ERCC6L2: variants seen among roughly 807,000 people sequenced by gnomAD.
ERCC6L2 encodes DNA excision repair protein ERCC-6-like 2.
Under a neutral mutation model 132.0 loss-of-function variants are expected in ERCC6L2, and 77 were observed. That is an observed-to-expected ratio of 0.58 (90% CI 0.49 to 0.71). The LOEUF is 0.71. ERCC6L2 is among the 30% of genes least tolerant of loss of function. ERCC6L2 has a pLI of 0.00. For synonymous variants in ERCC6L2, 583 were observed against 632.4 expected (o/e 0.92, Z 1.17); for missense variants, 1,542 against 1,837.6 (o/e 0.84, Z 2.94).
intron 11 of ERCC6L2, among the ~76,000 whole-genome samples, chr9:95,931,388 T>C (rs1380895744): frequency 3.9e-5 from 6 of 152,212 alleles, no homozygotes; most frequent in East Asian, 1.9e-4. Flanking sequence ...AGAACTGTCA[T>C]GTTGAAGCTT....
chr9:95,953,466 C>A (rs915903241), intron 12 of ERCC6L2, among the ~76,000 whole-genome samples: 1 of 151,396 alleles, frequency 6.6e-6, no homozygotes, highest in East Asian at 1.9e-4. Context: ...GTCCCAGCTA[C>A]TTGGGAGGCT....
intron 3 of ERCC6L2, among the ~76,000 whole-genome samples, chr9:95,905,763 C>T (rs979185259): frequency 5.3e-5 from 8 of 152,126 alleles, no homozygotes; most frequent in Non-Finnish European, 1.2e-4. Context: ...TTCCAAAACA[C>T]AGTCACAAAT....
At chr9:95,942,031 C>A (rs566814689) in intron 12 of ERCC6L2, among the ~76,000 whole-genome samples, 71 of 152,198 alleles carry the variant, frequency 4.7e-4, no homozygotes, top group African/African-American at 1.7e-3. Context: ...ATACAAATTC[C>A]CCTCTGACAC....
At chr9:95,922,995 T>C (rs1052620214) in intron 8 of ERCC6L2, among the ~76,000 whole-genome samples, 1 of 152,202 alleles carries the variant, frequency 6.6e-6, no homozygotes, top group Non-Finnish European at 1.5e-5. Context: ...CTTTACTCTT[T>C]GGGAGTATTT....
chr9:96,024,611 C>T (rs1354141092), intron 19 of ERCC6L2, among the ~76,000 whole-genome samples: 1 of 152,204 alleles, frequency 6.6e-6, no homozygotes, highest in Non-Finnish European at 1.5e-5. Flanking sequence ...GGGTTAGTCT[C>T]ATGCACCCAC....
At position 95,882,909 on chromosome 9, in the gene ERCC6L2, G is replaced by A. The variant is rs72758429; in HGVS notation, c.471+1616G>A. Among the ~76,000 whole-genome samples, 317 of 152,324 alleles carry A rather than the reference G, an allele frequency of 2.1e-3. 1 individual carries two copies. Among genetic ancestry groups the A allele is most frequent in the Non-Finnish European group, 3.5e-3 (239 of 68,024 alleles). Reference sequence around the variant, plus strand: ...CATTTAGCATGCCGGCCTGTAGGTGGAGGATAGACAGCAAGAATAAAGAAA... The same window carrying A: ...CATTTAGCATGCCGGCCTGTAGGTGAAGGATAGACAGCAAGAATAAAGAAA... On this transcript the variant is annotated intron_variant, in intron 2 of 18. Transcript: ENST00000653738.
chr9:96,025,248 A>C (rs1280903555), intron 19 of ERCC6L2, among the ~76,000 whole-genome samples: 1 of 152,096 alleles, frequency 6.6e-6, no homozygotes, highest in East Asian at 1.9e-4. Context: ...CCAGCTCACC[A>C]CTCAGGTCTG....
chr9:95,888,254 C>T (rs1827981983), intron 2 of ERCC6L2, among the ~76,000 whole-genome samples: 1 of 152,050 alleles, frequency 6.6e-6, no homozygotes, highest in Admixed American at 6.5e-5. Context: ...AAGGTTTATG[C>T]CCTTTTTCCC....
intron 2 of ERCC6L2, among the ~76,000 whole-genome samples, chr9:95,893,153 T>G (rs992743051): frequency 6.6e-6 from 1 of 152,224 alleles, no homozygotes; most frequent in Non-Finnish European, 1.5e-5. Flanking sequence ...ATAAAATATG[T>G]TTCTTGTAAA....
intron 3 of ERCC6L2, among the ~76,000 whole-genome samples, chr9:95,905,295 C>T (rs1471690572): frequency 1.3e-5 from 2 of 152,150 alleles, no homozygotes; most frequent in Non-Finnish European, 2.9e-5. Context: ...TCTTTCACTA[C>T]CAAAATGAAT....
Position 95,928,106 on chromosome 9 carries a change from A to G in ERCC6L2, c.1561A>G (p.Arg521Gly), listed in dbSNP as rs1830177771. The G allele has an allele frequency of 1.2e-6, 2 of 1,612,910 alleles. No individual in the cohort carries two copies. Among genetic ancestry groups the G allele is most frequent in the African/African-American group, 1.3e-5 (1 of 74,884 alleles). ...CCTTCAGCAGCTTTTAAATCATTGC[A>G]GGAAAAACAGAGATAAAGTTCTTCT... ...KVLQQLLNHC[R>G]KNRDKVLLFS... The change falls in exon 10 of 19, where the codon AGG becomes GGG. Residue 521 changes from arginine to glycine, a missense_variant. Physicochemically the swap from Arg to Gly is moderately radical, Grantham distance 125. Coordinates refer to ENST00000653738, the MANE Select transcript of ERCC6L2 (RefSeq NM_020207.7).
At chr9:95,931,532 C>G (rs1830339394) in intron 11 of ERCC6L2, among the ~76,000 whole-genome samples, 1 of 152,214 alleles carries the variant, frequency 6.6e-6, no homozygotes, top group African/African-American at 2.4e-5. Flanking sequence ...AGTAAATTTT[C>G]TGCATCTGTA....
In ERCC6L2 at chr9:95,972,320, C is replaced by T; in HGVS notation, c.2569C>T (p.Pro857Ser). 7.7e-7 allele frequency: 1 copy of T among 1,292,212 alleles called. No homozygotes were observed. The highest frequency in any genetic ancestry group is 1.3e-5 in the South Asian group (1 of 78,230). 80.0% of individuals were successfully genotyped at this position (1,292,212 alleles called of 1,614,324 possible). The change falls in exon 16 of 19, where the codon CCA (proline) becomes TCA (serine). Residue 857 changes from proline (P) to serine (S), a missense_variant. Physicochemically the swap from Pro to Ser is moderately conservative, Grantham distance 74. This residue lies in a region of ERCC6L2 where 945 missense variants were observed against 1,105.2 expected (regional missense o/e 0.86). Coordinates refer to ENST00000653738, the MANE Select transcript of ERCC6L2 (RefSeq NM_020207.7). Reference sequence around the variant, plus strand: ...TCAGAAATTAGATAACATCCTAAATCCAAAAGAAAAGCATATTTTTTATAA... The same window carrying T: ...TCAGAAATTAGATAACATCCTAAATTCAAAAGAAAAGCATATTTTTTATAA... ...KHQKLDNILN[P>S]KEKHIFYKSE...
At chr9:95,879,361 C>T (rs77981106) in intron 1 of ERCC6L2, among the ~76,000 whole-genome samples, 2,761 of 152,194 alleles carry the variant, frequency 0.018, 90 homozygotes, top group African/African-American at 0.062. Flanking sequence ...ATAATTTGTG[C>T]TTAAATCACA....
In ERCC6L2 at chr9:95,897,989, T is replaced by C. The variant is rs1828557342; in HGVS notation, c.594+18T>C. Reference sequence around the variant, plus strand: ...CAAAAAAGGTAAAATCTCTAGACAATGTATATTCTACTCATGATGCTGGTA... The same window carrying C: ...CAAAAAAGGTAAAATCTCTAGACAACGTATATTCTACTCATGATGCTGGTA... On this transcript the variant is annotated intron_variant, in intron 3 of 18. Coordinates refer to ENST00000653738, the MANE Select transcript of ERCC6L2 (RefSeq NM_020207.7). 6 of 1,591,602 alleles carry C rather than the reference T, an allele frequency of 3.8e-6. No individual in the cohort carries two copies. The Admixed American group carries it at 5.5e-5, about 14-fold the overall frequency.
chr9:95,938,788 T>G (rs1177164157), intron 11 of ERCC6L2, among the ~76,000 whole-genome samples: 1 of 152,206 alleles, frequency 6.6e-6, no homozygotes, highest in Non-Finnish European at 1.5e-5. Context: ...CTTACGATTT[T>G]AAATGGTATA....
At chr9:95,890,760 TGGGCTCAAG>T (rs972767259) in intron 2 of ERCC6L2, among the ~76,000 whole-genome samples, 1 of 152,088 alleles carries the variant, frequency 6.6e-6, no homozygotes, top group Non-Finnish European at 1.5e-5. Flanking sequence ...CTTGACCTCC[TGGGCTCAAG>T]TGATCCTCCC....
At chr9:96,003,439 C>T (rs774362964) in intron 17 of ERCC6L2, among the ~76,000 whole-genome samples, 1 of 152,204 alleles carries the variant, frequency 6.6e-6, no homozygotes, top group South Asian at 2.1e-4. Flanking sequence ...GCTGGGCATT[C>T]GTGTTTGTCA....
At position 96,015,014 on chromosome 9, in the gene ERCC6L2, A is replaced by AG. The variant is rs1834149188; in HGVS notation, c.*1812dup. Among the ~76,000 whole-genome samples the AG allele has an allele frequency of 3.0e-5, 2 of 66,150 alleles. No homozygotes were observed. Among genetic ancestry groups the AG allele is most frequent in the Non-Finnish European group, 5.5e-5 (2 of 36,234 alleles). 43.4% of individuals were successfully genotyped at this position (66,150 alleles called of 152,430 possible). On this transcript the variant is annotated 3_prime_UTR_variant, in exon 19 of 19. Coordinates refer to ENST00000653738, the MANE Select transcript of ERCC6L2 (RefSeq NM_020207.7). ...AGCTCTATAGTCTTCATATATGTAC[A>AG]GTTTTTTTTTTTTTTTTTTTTTTTT...
Sources: allele counts gnomAD v4.1 joint callset (sites outside exome capture counted in the v4.1 genomes callset), GRCh38; gene constraint gnomAD v4.1.1; regional missense constraint gnomAD v4.1.1; transcripts MANE v1.5; gene names NCBI Gene and HGNC (gene_info 2026-07-23, HGNC 2026-07-21).